CD2AP: variants seen among roughly 807,000 people sequenced by gnomAD.
CD2AP encodes CD2 associated protein.
Under a neutral mutation model 85.1 loss-of-function variants are expected in CD2AP, and 46 were observed. The ratio of observed to expected loss-of-function variants is 0.54; its 90% CI spans 0.43 to 0.69. CD2AP has a LOEUF of 0.69. Ranked by LOEUF, CD2AP falls within the 30% of genes least tolerant of loss-of-function variation. The probability of loss-of-function intolerance (pLI) is 0.00; values close to 1 mark genes in which losing one functional copy is unlikely to be tolerated. For synonymous variants in CD2AP, 255 were observed against 252.9 expected, an observed-to-expected ratio of 1.01 and a Z score of -0.08; for missense variants, 769 against 729.5, an observed-to-expected ratio of 1.05 and a Z score of -0.62.
intron 2 of CD2AP, among the ~76,000 whole-genome samples, chr6:47,520,657 T>C (rs1370802636): frequency 6.6e-6 from 1 of 151,766 alleles, no homozygotes; most frequent in Non-Finnish European, 1.5e-5. Flanking sequence ...GGGCGCCTTA[T>C]TATAGCCTGA....
intron 17 of CD2AP, among the ~76,000 whole-genome samples, chr6:47,616,251 C>T (rs1478213474): frequency 6.6e-6 from 1 of 151,700 alleles, no homozygotes; most frequent in East Asian, 1.9e-4. Flanking sequence ...GCCACCATAC[C>T]CAGCTAATTT....
intron 5 of CD2AP, among the ~76,000 whole-genome samples, chr6:47,572,463 C>T (rs1768184594): frequency 6.6e-6 from 1 of 152,000 alleles, no homozygotes. Context: ...CTTCAGTCTT[C>T]TGTGTGACTT....
chr6:47,558,925 A>G (rs961387355), intron 5 of CD2AP, among the ~76,000 whole-genome samples: 2 of 152,194 alleles, frequency 1.3e-5, no homozygotes, highest in African/African-American at 4.8e-5. Flanking sequence ...TACCTCTGGT[A>G]GAGTTCGGCT....
intron 1 of CD2AP, among the ~76,000 whole-genome samples, chr6:47,488,794 G>T (rs1765642645): frequency 6.6e-6 from 1 of 151,942 alleles, no homozygotes; most frequent in South Asian, 2.1e-4. Context: ...GGGAGGCTGA[G>T]GTGAGAGCAT....
At chr6:47,492,847 TTTATA>T (rs1367776285) in intron 1 of CD2AP, among the ~76,000 whole-genome samples, 1 of 152,190 alleles carries the variant, frequency 6.6e-6, no homozygotes, top group African/African-American at 2.4e-5. Flanking sequence ...CTTTGAGTGT[TTTATA>T]TGATTCCATT....
At chr6:47,482,722 A>G (rs1765475729) in intron 1 of CD2AP, among the ~76,000 whole-genome samples, 1 of 152,206 alleles carries the variant, frequency 6.6e-6, no homozygotes, top group Non-Finnish European at 1.5e-5. Flanking sequence ...ATGACATCAT[A>G]TTAACTAAAA....
rs146858632 is a variant in CD2AP at position 47,627,141 on chromosome 6, G to A, written c.*2914G>A. 1.4e-4 allele frequency: 22 copies of A among 152,532 alleles called. No individual in the cohort carries two copies. The East Asian group carries it at 1.7e-3, about 12-fold the overall frequency. The allele number at this position is 152,532 out of a possible 1,614,324, so 9.4% of individuals were successfully genotyped here. On this transcript the variant is annotated 3_prime_UTR_variant, in exon 18 of 18. Coordinates refer to ENST00000359314, the MANE Select transcript of CD2AP (RefSeq NM_012120.3). The stretch of plus-strand genomic sequence containing the variant: ...AAATTAAAGGATTTTATTGCCAGTC[G>A]TGTCAGTCTTTATTGGTTATTTTTT...
chr6:47,506,746 G>A, intron 2 of CD2AP, among the ~76,000 whole-genome samples: 1 of 144,496 alleles, frequency 6.9e-6, no homozygotes, highest in South Asian at 2.4e-4. Flanking sequence ...CAGCAGTACA[G>A]TCCAGCTTCG....
intron 1 of CD2AP, among the ~76,000 whole-genome samples, chr6:47,482,716 C>T (rs890518421): frequency 6.6e-6 from 1 of 152,080 alleles, no homozygotes; most frequent in African/African-American, 2.4e-5. Context: ...ACTAAAATGA[C>T]ATCATATTAA....
intron 2 of CD2AP, among the ~76,000 whole-genome samples, chr6:47,520,276 ATATT>A (rs1582507440): frequency 1.3e-5 from 2 of 152,374 alleles, no homozygotes; most frequent in East Asian, 3.9e-4. Flanking sequence ...AGTGGTAAAA[ATATT>A]TATAACAGTC....
At chr6:47,496,066 C>T (rs1026142502) in intron 1 of CD2AP, among the ~76,000 whole-genome samples, 1 of 151,822 alleles carries the variant, frequency 6.6e-6, no homozygotes, top group Non-Finnish European at 1.5e-5. Context: ...TTTTGTTTTT[C>T]CTTTCTTTTC....
chr6:47,479,832 G>GC (rs1491192409), intron 1 of CD2AP, among the ~76,000 whole-genome samples: 4 of 142,792 alleles, frequency 2.8e-5, no homozygotes, highest in Non-Finnish European at 6.1e-5. Context: ...TTTTTTTTTT[G>GC]CTTTGCTTTT....
intron 5 of CD2AP, among the ~76,000 whole-genome samples, chr6:47,563,673 A>G (rs1767919234): frequency 6.6e-6 from 1 of 152,202 alleles, no homozygotes; most frequent in Non-Finnish European, 1.5e-5. Flanking sequence ...AGCCTTTCAA[A>G]GGAGTTAATT....
At chr6:47,622,816 G>C (rs1310150188) in intron 17 of CD2AP, among the ~76,000 whole-genome samples, 1 of 152,184 alleles carries the variant, frequency 6.6e-6, no homozygotes, top group African/African-American at 2.4e-5. Flanking sequence ...TCCGCATGCT[G>C]TTCTGTCTGG....
intron 2 of CD2AP, among the ~76,000 whole-genome samples, chr6:47,512,764 C>T (rs1766352411): frequency 6.6e-6 from 1 of 152,242 alleles, no homozygotes; most frequent in South Asian, 2.1e-4. Flanking sequence ...ACCTCCTTCT[C>T]ATTTCTCTTC....
In CD2AP at chr6:47,588,138, A is replaced by G. The variant is rs187354740; in HGVS notation, c.1108+6073A>G. ...AATTGTACTTCTCTCAGAATCTTTC[A>G]TGGCCAGGTTTTTCTCATCTTTTAG... On this transcript the variant is annotated intron_variant, in intron 11 of 17. Coordinates refer to ENST00000359314, the MANE Select transcript of CD2AP (RefSeq NM_012120.3). Among the ~76,000 whole-genome samples the G allele has an allele frequency of 1.2e-3, 188 of 152,140 alleles. 1 individual carries two copies. The highest frequency in any genetic ancestry group is 4.0e-3 in the African/African-American group (167 of 41,534).
intron 8 of CD2AP, among the ~76,000 whole-genome samples, chr6:47,578,693 AC>A (rs1441380144): frequency 7.1e-6 from 1 of 140,424 alleles, no homozygotes; most frequent in East Asian, 2.1e-4. Flanking sequence ...TCGCTCTGTC[AC>A]CCAGGCTGGA....
chr6:47,501,506 G>A (rs892187279), intron 1 of CD2AP, among the ~76,000 whole-genome samples: 3 of 152,196 alleles, frequency 2.0e-5, no homozygotes, highest in Non-Finnish European at 2.9e-5. Flanking sequence ...AAAGTACAGG[G>A]TCTCAAAATA....
intron 5 of CD2AP, among the ~76,000 whole-genome samples, chr6:47,566,949 A>G (rs1006740329): frequency 6.6e-6 from 1 of 152,190 alleles, no homozygotes; most frequent in African/African-American, 2.4e-5. Flanking sequence ...ATGTGTCTTT[A>G]TAGTAGAATA....
Sources: gnomAD v4.1 joint callset for allele counts (sites outside exome capture counted in the v4.1 genomes callset) on GRCh38, gnomAD v4.1.1 for gene constraint, MANE v1.5 for transcripts, NCBI Gene and HGNC (gene_info 2026-07-23, HGNC 2026-07-21) for gene names.